The following OSBP2 variants were observed in gnomAD, a reference collection of about 807,000 sequenced individuals.
OSBP2 encodes oxysterol-binding protein 2.
In OSBP2, 66 loss-of-function variants were observed where a neutral mutation model predicts 96.0. The observed-to-expected ratio is 0.69, with a 90% CI of 0.56 to 0.84. OSBP2 has a LOEUF of 0.84. Ranked by LOEUF, OSBP2 falls within the 40% of genes least tolerant of loss-of-function variation. The pLI is 0.00. For synonymous variants in OSBP2, 525 were observed against 520.9 expected, an observed-to-expected ratio of 1.01 and a Z score of -0.11; for missense variants, 1,038 against 1,222.7, an observed-to-expected ratio of 0.85 and a Z score of 2.25.
At chr22:30,730,798 ATATATAT>A (rs2089758793) in intron 1 of OSBP2, among the ~76,000 whole-genome samples, 1 of 50,960 alleles carries the variant, frequency 2.0e-5, no homozygotes, top group African/African-American at 1.0e-4. Context: ...ATATATATAT[ATATATAT>A]ATAATTTTTT....
chr22:30,843,079 C>G (rs1441041404), intron 2 of OSBP2, among the ~76,000 whole-genome samples: 1 of 152,136 alleles, frequency 6.6e-6, no homozygotes, highest in Non-Finnish European at 1.5e-5. Flanking sequence ...CCACCGCACC[C>G]GGCCTGCAAT....
chr22:30,722,406 A>G (rs2089565606), intron 1 of OSBP2, among the ~76,000 whole-genome samples: 1 of 152,186 alleles, frequency 6.6e-6, no homozygotes, highest in Non-Finnish European at 1.5e-5. Flanking sequence ...GTCAAATCCC[A>G]CCCAACCTTA....
intron 2 of OSBP2, among the ~76,000 whole-genome samples, chr22:30,821,593 G>A (rs1172637330): frequency 6.6e-6 from 1 of 152,126 alleles, no homozygotes; most frequent in Non-Finnish European, 1.5e-5. Flanking sequence ...GGGGTGCGGG[G>A]ATAGGGAAGC....
intron 1 of OSBP2, among the ~76,000 whole-genome samples, chr22:30,734,681 T>A (rs1013350693): frequency 2.0e-5 from 3 of 152,146 alleles, no homozygotes; most frequent in Non-Finnish European, 4.4e-5. Flanking sequence ...GAAAAATTTT[T>A]AAAACTGAAT....
At chr22:30,880,358 C>G (rs774831632) in intron 3 of OSBP2, among the ~76,000 whole-genome samples, 7 of 152,242 alleles carry the variant, frequency 4.6e-5, no homozygotes, top group Non-Finnish European at 8.8e-5. Flanking sequence ...CTGGCAGGTC[C>G]TGGACCAGCC....
At chr22:30,804,061 C>T (rs2090893118) in intron 2 of OSBP2, among the ~76,000 whole-genome samples, 1 of 152,150 alleles carries the variant, frequency 6.6e-6, no homozygotes, top group Admixed American at 6.5e-5. Flanking sequence ...CCTCTGCCTT[C>T]GACCCTACCA....
chr22:30,758,934 A>C (rs2090173678), intron 2 of OSBP2, among the ~76,000 whole-genome samples: 1 of 152,210 alleles, frequency 6.6e-6, no homozygotes, highest in Non-Finnish European at 1.5e-5. Context: ...TCCTGGCTTC[A>C]CGTTCAAGCC....
chr22:30,813,166 G>A (rs1292686712), intron 2 of OSBP2, among the ~76,000 whole-genome samples: 2 of 139,204 alleles, frequency 1.4e-5, no homozygotes, highest in Non-Finnish European at 3.1e-5. Flanking sequence ...TTACGATGTT[G>A]CATTCTTTTT....
At chr22:30,856,132 G>T (rs1253410611) in intron 2 of OSBP2, among the ~76,000 whole-genome samples, 3 of 152,126 alleles carry the variant, frequency 2.0e-5, no homozygotes, top group Non-Finnish European at 4.4e-5. Flanking sequence ...GGCCTGAGGT[G>T]GGCAGGTGGC....
chr22:30,712,180 C>T (rs1229758434), intron 1 of OSBP2, among the ~76,000 whole-genome samples: 2 of 152,136 alleles, frequency 1.3e-5, no homozygotes, highest in African/African-American at 4.8e-5. Flanking sequence ...GTTTTTGCCT[C>T]CAGCTTCCTC....
At chr22:30,766,395 T>C (rs1226339153) in intron 2 of OSBP2, among the ~76,000 whole-genome samples, 1 of 152,208 alleles carries the variant, frequency 6.6e-6, no homozygotes, top group African/African-American at 2.4e-5. Context: ...GCTATGACTT[T>C]AGGCTTTCCC....
At chr22:30,883,265 T>C (rs1163588243) in intron 3 of OSBP2, among the ~76,000 whole-genome samples, 1 of 152,234 alleles carries the variant, frequency 6.6e-6, no homozygotes, top group Non-Finnish European at 1.5e-5. Flanking sequence ...AAGGGGATCG[T>C]GCCTTGTGTG....
intron 2 of OSBP2, among the ~76,000 whole-genome samples, chr22:30,828,862 G>A (rs1012267636): frequency 6.6e-6 from 1 of 152,136 alleles, no homozygotes; most frequent in African/African-American, 2.4e-5. Context: ...TCAGCAAACA[G>A]GCTTCATGCC....
chr22:30,736,788 A>G (rs888920954), intron 1 of OSBP2, among the ~76,000 whole-genome samples: 1 of 152,214 alleles, frequency 6.6e-6, no homozygotes, highest in Non-Finnish European at 1.5e-5. Context: ...TTATAATTCA[A>G]TCCAAGATTC....
At chr22:30,859,217 G>A (rs2039154839) in intron 2 of OSBP2, among the ~76,000 whole-genome samples, 1 of 152,196 alleles carries the variant, frequency 6.6e-6, no homozygotes, top group South Asian at 2.1e-4. Context: ...CCAGGAAAGT[G>A]TCATCCCATC....
intron 2 of OSBP2, among the ~76,000 whole-genome samples, chr22:30,754,951 A>G (rs2090122715): frequency 6.6e-6 from 1 of 152,142 alleles, no homozygotes; most frequent in East Asian, 1.9e-4. Context: ...TCAAGCTCAT[A>G]AAAACTCCCC....
rs1219908596 is a variant in OSBP2, at chr22:30,890,761, C to T, written c.1657C>T (p.Arg553Trp). 9.3e-6 allele frequency: 15 copies of T among 1,613,022 alleles called. No individual in the cohort carries two copies. The highest frequency in any genetic ancestry group is 1.6e-4 in the Middle Eastern group (1 of 6,062). Residue 553 changes from arginine to tryptophan, a missense_variant, in exon 8 of 14, where the codon CGG (arginine) becomes TGG (tryptophan). Physicochemically the swap from Arg to Trp is moderately radical, Grantham distance 101. Transcript: ENST00000332585. This position sits in a 1 kb window ranked among gnomAD's most constrained non-coding sequence, Gnocchi z 4.4. ...CAATGAGCCCCTGTCCATGCTCCAGCGGCTGACAGAGGACCTGGAGTACCA... is the reference window on the plus strand; with the variant it reads ...CAATGAGCCCCTGTCCATGCTCCAGTGGCTGACAGAGGACCTGGAGTACCA... ...NFNEPLSMLQ[R>W]LTEDLEYHHL...
intron 3 of OSBP2, among the ~76,000 whole-genome samples, chr22:30,874,535 G>A (rs8137116): frequency 0.091 from 13,790 of 152,272 alleles, 721 homozygotes; most frequent in Admixed American, 0.13. Context: ...GGAGGGAGGG[G>A]GGTCCTCTGG....
At chr22:30,826,843 T>C (rs2038415800) in intron 2 of OSBP2, among the ~76,000 whole-genome samples, 1 of 152,024 alleles carries the variant, frequency 6.6e-6, no homozygotes, top group Admixed American at 6.5e-5. Context: ...CCTGGTGCAC[T>C]CCCCTGGTGC....
Sources: gnomAD v4.1 joint callset for allele counts (sites outside exome capture counted in the v4.1 genomes callset) on GRCh38, gnomAD v4.1.1 for gene constraint, Gnocchi (gnomAD v3.1) non-coding constraint, MANE v1.5 for transcripts, NCBI Gene and HGNC (gene_info 2026-07-23, HGNC 2026-07-21) for gene names.